GIMAP8: variants seen among roughly 807,000 people sequenced by gnomAD.
The protein encoded by GIMAP8 is GTPase IMAP family member 8.
GIMAP8 carries 29 observed loss-of-function variants against 35.6 expected under a neutral mutation model. The observed-to-expected ratio is 0.81, with a 90% CI of 0.61 to 1.11. GIMAP8 has a LOEUF of 1.11. Ranked by LOEUF, GIMAP8 falls within the 50% of genes most tolerant of loss-of-function variation. The pLI is 0.00. For synonymous variants in GIMAP8, 335 were observed against 308.7 expected (o/e 1.09, Z -0.89); for missense variants, 811 against 805.0 (o/e 1.01, Z -0.09).
intron 1 of GIMAP8, among the ~76,000 whole-genome samples, chr7:150,463,970 G>A (rs1397195973): frequency 6.6e-6 from 1 of 152,224 alleles, no homozygotes; most frequent in African/African-American, 2.4e-5. Flanking sequence ...CCCCCAAGTG[G>A]CATGCATGGG....
At chr7:150,470,149 G>A (rs778183037) in intron 2 of GIMAP8, among the ~76,000 whole-genome samples, 2 of 152,158 alleles carry the variant, frequency 1.3e-5, no homozygotes, top group South Asian at 4.1e-4. Context: ...GGCTATGTAA[G>A]GTTAAAGAAA....
At position 150,477,661 on chromosome 7, in the gene GIMAP8, G is replaced by T; in HGVS notation, c.1879G>T (p.Glu627Ter). ...LLTKVNDLRK[E>*]SGWSGYPHTQ... ...AACAAAGGTCAATGATCTGAGAAAA[G>T]AAAGTGGGTGGTCCGGGTATCCCCA... Residue 627 changes from glutamate (E) to a stop codon, truncating the protein, a stop_gained, in exon 5 of 5, where the codon GAA becomes TAA. Transcript: ENST00000307271. LOFTEE classifies it low-confidence loss of function (END_TRUNC). The T allele has an allele frequency of 6.2e-7, 1 of 1,614,222 alleles. No individual in the cohort carries two copies. Among genetic ancestry groups the T allele is most frequent in the Non-Finnish European group, 8.5e-7 (1 of 1,180,044 alleles).
intron 2 of GIMAP8, 59 bp from the exon 3 acceptor site, chr7:150,470,770 A>ATTTTTTTG (rs1357852628): frequency 4.5e-6 from 1 of 224,044 alleles, no homozygotes. Flanking sequence ...TTTTTTTTTC[A>ATTTTTTTG]GTTTGTGGAA....
chr7:150,469,389 C>G (rs1337450753), intron 2 of GIMAP8, among the ~76,000 whole-genome samples: 1 of 152,240 alleles, frequency 6.6e-6, no homozygotes, highest in East Asian at 1.9e-4. Context: ...ACCACCACAT[C>G]AAGTGATTTC....
chr7:150,476,631 T>G (rs891678228), intron 4 of GIMAP8, among the ~76,000 whole-genome samples: 1 of 152,244 alleles, frequency 6.6e-6, no homozygotes, highest in African/African-American at 2.4e-5. Flanking sequence ...CTTTAAATAC[T>G]GTAAGGAGAT....
chr7:150,476,077 G>T (rs1802221041), intron 4 of GIMAP8, among the ~76,000 whole-genome samples: 1 of 152,100 alleles, frequency 6.6e-6, no homozygotes, highest in Non-Finnish European at 1.5e-5. Context: ...ACAGAAGTAG[G>T]GACTGAAATA....
rs889114847 is a variant in GIMAP8 at position 150,477,668 on chromosome 7, G to A, written c.1886G>A (p.Gly629Glu). Residue 629 changes from glycine to glutamate, a missense_variant, in exon 5 of 5, where the codon GGG (glycine) becomes GAG (glutamate). Physicochemically the swap from Gly to Glu is moderately conservative, Grantham distance 98. Coordinates refer to ENST00000307271, the MANE Select transcript of GIMAP8 (RefSeq NM_175571.4). ...TKVNDLRKES[G>E]WSGYPHTQEN... is the part of the protein sequence containing the mutation. ...GTCAATGATCTGAGAAAAGAAAGTGGGTGGTCCGGGTATCCCCATACACAG... is the reference window on the plus strand; with the variant it reads ...GTCAATGATCTGAGAAAAGAAAGTGAGTGGTCCGGGTATCCCCATACACAG... The A allele has an allele frequency of 1.2e-6, 2 of 1,614,134 alleles. No homozygotes were observed. The highest frequency in any genetic ancestry group is 2.2e-5 in the East Asian group (1 of 44,886).
Position 150,467,208 on chromosome 7 carries a change from C to G in GIMAP8, c.510C>G (p.Asn170Lys), listed in dbSNP as rs765695742. 6.2e-7 allele frequency: 1 copy of G among 1,614,208 alleles called. No homozygotes were observed. The highest frequency in any genetic ancestry group is 2.2e-5 in the East Asian group (1 of 44,884). ...DYEGRYCIFNNKTNSKDEQIT... is the reference protein window; with the variant it reads ...DYEGRYCIFNKKTNSKDEQIT... ...AGGGCCGATACTGCATTTTCAACAA[C>G]AAGACCAATAGTAAGGATGAGCAGA... The change falls in exon 2 of 5, where the codon AAC (asparagine) becomes AAG (lysine). Residue 170 changes from asparagine (N) to lysine (K), a missense_variant. Asn to Lys is a moderately conservative substitution (Grantham distance 94, BLOSUM62 0). Transcript: ENST00000307271.
Position 150,478,429 on chromosome 7 carries a change from G to C in GIMAP8, c.*649G>C, listed in dbSNP as rs1012585282. ...GCTGTCCCTGAGGAAACAGACATGA[G>C]TCTTGGAGGTTCTGAATGATTTTAT... On this transcript the variant is annotated 3_prime_UTR_variant, in exon 5 of 5. Transcript: ENST00000307271. The C allele has an allele frequency of 6.6e-6, 1 of 152,394 alleles. No homozygotes were observed. The highest frequency in any genetic ancestry group is 1.5e-5 in the Non-Finnish European group (1 of 68,172). The allele number at this position is 152,394 out of a possible 1,614,324, so 9.4% of individuals were successfully genotyped here.
At chr7:150,456,855 G>C (rs774016971) in intron 1 of GIMAP8, among the ~76,000 whole-genome samples, 2 of 152,160 alleles carry the variant, frequency 1.3e-5, no homozygotes, top group East Asian at 3.9e-4. Flanking sequence ...AGAGATTAAA[G>C]TTCTAAATTG....
Position 150,474,432 on chromosome 7 carries a change from A to G in GIMAP8, c.1103A>G (p.Asp368Gly), listed in dbSNP as rs1268229135. ...YMIILLTRKE[D>G]LGDQDLDTFL... The stretch of plus-strand genomic sequence containing the variant: ...ATCATACTTCTTACCAGGAAAGAAG[A>G]TTTAGGGGATCAGGATCTAGATACG... Residue 368 changes from aspartate (D) to glycine (G), a missense_variant, in exon 4 of 5, where the codon GAT becomes GGT. Asp to Gly is a moderately conservative substitution (Grantham distance 94). Coordinates refer to ENST00000307271, the MANE Select transcript of GIMAP8 (RefSeq NM_175571.4). The G allele has an allele frequency of 6.2e-7, 1 of 1,613,840 alleles. No homozygotes were observed. The highest frequency in any genetic ancestry group is 2.2e-5 in the East Asian group (1 of 44,886).
rs187468712 is a variant in GIMAP8, at chr7:150,452,115, C to T, written c.-29+940C>T. Among the ~76,000 whole-genome samples the T allele has an allele frequency of 1.3e-3, 203 of 152,332 alleles. 1 individual carries two copies. The highest frequency in any genetic ancestry group is 4.5e-3 in the African/African-American group (185 of 41,566). On this transcript the variant is annotated intron_variant, in intron 1 of 4. Coordinates refer to ENST00000307271, the MANE Select transcript of GIMAP8 (RefSeq NM_175571.4). ...AGTCTTCAGTGAATTATAGGAAGAA[C>T]GCTCTCTTTTTCTCTCAGTTGCTCT...
chr7:150,455,561 T>TC (rs1801713960), intron 1 of GIMAP8, among the ~76,000 whole-genome samples: 1 of 152,200 alleles, frequency 6.6e-6, no homozygotes, highest in African/African-American at 2.4e-5. Context: ...ATTGGAGGAA[T>TC]CATGGACTAT....
rs1406045406 is a variant in GIMAP8 at position 150,477,705 on chromosome 7, C to A, written c.1923C>A (p.Ser641Arg). 4 of 1,613,938 alleles carry A rather than the reference C, an allele frequency of 2.5e-6. No individual in the cohort carries two copies. The South Asian group carries it at 4.4e-5, about 18-fold the overall frequency. The change falls in exon 5 of 5, where the codon AGC (serine) becomes AGA (arginine). Residue 641 changes from serine to arginine, a missense_variant. Ser to Arg is a moderately radical substitution (Grantham distance 110). Transcript: ENST00000307271. ...SGYPHTQENV[S>R]KLIKNVQEMS... is the part of the protein sequence containing the mutation. ...ATCCCCATACACAGGAGAACGTCAG[C>A]AAACTAATTAAAAATGTCCAGGAAA...
intron 1 of GIMAP8, among the ~76,000 whole-genome samples, chr7:150,457,245 G>T (rs1224161526): frequency 1.3e-5 from 2 of 152,256 alleles, no homozygotes; most frequent in Non-Finnish European, 2.9e-5. Context: ...GCCATTGTTT[G>T]TGGTTTAGGA....
At chr7:150,462,715 A>G (rs1425506852) in intron 1 of GIMAP8, among the ~76,000 whole-genome samples, 6 of 152,198 alleles carry the variant, frequency 3.9e-5, no homozygotes, top group South Asian at 4.1e-4. Flanking sequence ...TGTTAGTCTG[A>G]TGGAGATTCC....
intron 2 of GIMAP8, among the ~76,000 whole-genome samples, 156 bp downstream of exon 2, chr7:150,467,490 A>G (rs975284865): frequency 6.6e-6 from 1 of 152,206 alleles, no homozygotes; most frequent in African/African-American, 2.4e-5. Flanking sequence ...GAGGTATCAG[A>G]TTTTAGGGTA....
chr7:150,468,155 C>A (rs1285214204), intron 2 of GIMAP8, among the ~76,000 whole-genome samples: 1 of 152,152 alleles, frequency 6.6e-6, no homozygotes, highest in Non-Finnish European at 1.5e-5. Flanking sequence ...CATCCCACTC[C>A]CACCACCTGG....
chr7:150,451,758 T>G lies in GIMAP8; in HGVS notation c.-29+583T>G, dbSNP rs183383932. Among the ~76,000 whole-genome samples the G allele has an allele frequency of 6.6e-5, 10 of 152,370 alleles. No individual in the cohort carries two copies. Among genetic ancestry groups the G allele is most frequent in the Admixed American group, 5.9e-4 (9 of 15,306 alleles). On this transcript the variant is annotated intron_variant, in intron 1 of 4. Transcript: ENST00000307271. The surrounding 1 kb of genome is among the most constrained non-coding windows in gnomAD (Gnocchi z 4.1). Reference sequence around the variant, plus strand: ...TGCTTTTCTGATCTTTCCTGCCCCTTGCACAGTTAGGATTCTGTGAACTGG... The same window carrying G: ...TGCTTTTCTGATCTTTCCTGCCCCTGGCACAGTTAGGATTCTGTGAACTGG...
Sources: gnomAD v4.1 joint callset for allele counts (sites outside exome capture counted in the v4.1 genomes callset) on GRCh38, gnomAD v4.1.1 for gene constraint, Gnocchi (gnomAD v3.1) non-coding constraint, MANE v1.5 for transcripts, NCBI Gene and HGNC (gene_info 2026-07-23, HGNC 2026-07-21) for gene names.